Variants in EMC1 observed in about 807,000 individuals in gnomAD.
EMC1 encodes the protein KIAA0090.
EMC1 carries 103 observed loss-of-function variants against 128.8 expected under a neutral mutation model. The observed-to-expected ratio is 0.80, with a 90% CI of 0.68 to 0.94. EMC1 has a LOEUF of 0.94. Among genes scored for constraint, EMC1 ranks in the 40% least tolerant of loss-of-function variants. EMC1 has a pLI of 0.00. For missense variants in EMC1, 1,083 were observed against 1,250.6 expected (o/e 0.87, Z 2.02); for synonymous variants, 442 against 490.4 (o/e 0.90, Z 1.30).
intron 4 of EMC1, 25 bp downstream of exon 4, chr1:19,243,589 A>G (rs1282078426): frequency 6.3e-7 from 1 of 1,595,708 alleles, no homozygotes; most frequent in Admixed American, 1.7e-5. Flanking sequence ...AACTCAGTCA[A>G]GATAAAATCC....
intron 18 of EMC1, among the ~76,000 whole-genome samples, chr1:19,225,527 GTCCCAGCTAC>G (rs1259422500): frequency 6.6e-6 from 1 of 152,062 alleles, no homozygotes; most frequent in African/African-American, 2.4e-5. Context: ...CGCGCTTGTA[GTCCCAGCTAC>G]TCGGGAGGCT....
At chr1:19,234,345 G>A (rs994429938) in intron 13 of EMC1, among the ~76,000 whole-genome samples, 16 of 152,170 alleles carry the variant, frequency 1.1e-4, no homozygotes, top group Admixed American at 2.0e-4. Flanking sequence ...GTGGGGGGCA[G>A]GACTGAATCA....
At chr1:19,225,489 A>G (rs763660453) in intron 18 of EMC1, among the ~76,000 whole-genome samples, 4 of 152,140 alleles carry the variant, frequency 2.6e-5, no homozygotes, top group Non-Finnish European at 5.9e-5. Flanking sequence ...ATCTCTAAAA[A>G]TACAAAATTT....
Position 19,244,243 on chromosome 1 carries a change from A to T in EMC1, c.221-228T>A, listed in dbSNP as rs528601963. Among the ~76,000 whole-genome samples the T allele has an allele frequency of 5.3e-5, 8 of 152,244 alleles. No homozygotes were observed. Among genetic ancestry groups the T allele is most frequent in the Non-Finnish European group, 1.2e-4 (8 of 68,048 alleles). On this transcript the variant is annotated intron_variant, in intron 2 of 22. Transcript: ENST00000477853. ...AGGCCCCACTACCACCCCATCAAAC[A>T]TATAAACAAACAACAATAAGATTAA...
rs751315179 is a variant in EMC1, at chr1:19,233,137, T to C, written c.1433-2A>G. On this transcript the variant is annotated splice_acceptor_variant, in intron 13 of 22. Transcript: ENST00000477853. LOFTEE classifies it high-confidence loss of function. The stretch of plus-strand genomic sequence containing the variant: ...TCAGGAACATCCCCAGCAAGCCATC[T>C]GGTGTAAAGGAAAAGTAACATACTC... The C allele has an allele frequency of 6.2e-7, 1 of 1,613,264 alleles. No individual in the cohort carries two copies. Among genetic ancestry groups the C allele is most frequent in the Non-Finnish European group, 8.5e-7 (1 of 1,179,480 alleles).
chr1:19,241,734 T>C (rs757965283), intron 5 of EMC1, among the ~76,000 whole-genome samples: 1 of 152,030 alleles, frequency 6.6e-6, no homozygotes, highest in Non-Finnish European at 1.5e-5. Flanking sequence ...CTTGAACTCC[T>C]GAGCTCAAGT....
rs1428200462 is a variant in EMC1 at position 19,216,403 on chromosome 1, T to C, written c.*2900A>G. 1 of 152,194 alleles carries C rather than the reference T, an allele frequency of 6.6e-6. No individual in the cohort carries two copies. The highest frequency in any genetic ancestry group is 1.5e-5 in the Non-Finnish European group (1 of 68,030). 9.4% of individuals were successfully genotyped at this position (152,194 alleles called of 1,614,324 possible). On this transcript the variant is annotated 3_prime_UTR_variant, in exon 23 of 23. Coordinates refer to ENST00000477853, the MANE Select transcript of EMC1 (RefSeq NM_015047.3). ...ACTTAAATTAGGAATTGAGTATTTTTTCTATCAGACTTTGTTCCAGAAACT... is the reference window on the plus strand; with the variant it reads ...ACTTAAATTAGGAATTGAGTATTTTCTCTATCAGACTTTGTTCCAGAAACT...
At chr1:19,244,666 C>A in intron 2 of EMC1, 2 of 390,452 alleles carry the variant, frequency 5.1e-6, no homozygotes, top group Admixed American at 4.0e-5. Context: ...GGGCTTGCAG[C>A]AATATCTTAT....
Position 19,243,631 on chromosome 1 carries a change from T to C in EMC1, c.363A>G (p.Ile121Met). The C allele has an allele frequency of 6.2e-7, 1 of 1,614,156 alleles. No individual in the cohort carries two copies. The highest frequency in any genetic ancestry group is 8.5e-7 in the Non-Finnish European group (1 of 1,180,002). ...TCCCCTACCTGCCACTGTCCAGGGT[T>C]ATCTCCCAGTTCAGGCCCCCGATGT... ...ETNIGGLNWE[I>M]TLDSGSFQAL... Residue 121 changes from isoleucine to methionine, a missense_variant, in exon 4 of 23, where the codon ATA becomes ATG. Coordinates refer to ENST00000477853, the MANE Select transcript of EMC1 (RefSeq NM_015047.3).
chr1:19,250,218 C>CA lies in EMC1; in HGVS notation c.95+1196dup, dbSNP rs55743743. On this transcript the variant is annotated intron_variant, in intron 1 of 22. Coordinates refer to ENST00000477853, the MANE Select transcript of EMC1 (RefSeq NM_015047.3). ...CTGGGCAACAAGAGCAAAACTGTCT[C>CA]AAAAAAAAAAAAAAAAAAAAAAAAA... Among the ~76,000 whole-genome samples, 80 of 48,250 alleles carry CA rather than the reference C, an allele frequency of 1.7e-3. 2 individuals carry two copies. Among genetic ancestry groups the CA allele is most frequent in the East Asian group, 5.8e-3 (7 of 1,206 alleles). The allele number at this position is 48,250 out of a possible 152,430, so 31.7% of individuals were successfully genotyped here.
At chr1:19,228,641 T>C (rs1025169386) in intron 17 of EMC1, among the ~76,000 whole-genome samples, 1 of 152,084 alleles carries the variant, frequency 6.6e-6, no homozygotes, top group Non-Finnish European at 1.5e-5. Flanking sequence ...CTTTTGTCAA[T>C]ATTTTTCTGT....
intron 4 of EMC1, among the ~76,000 whole-genome samples, chr1:19,242,939 AT>A (rs2093614776): frequency 6.6e-6 from 1 of 152,212 alleles, no homozygotes. Flanking sequence ...TGACCCTATC[AT>A]TTGAACAACT....
chr1:19,240,181 T>G (rs759473782), intron 7 of EMC1, 116 bp downstream of exon 7: 2 of 1,358,382 alleles, frequency 1.5e-6, no homozygotes, highest in Non-Finnish European at 2.0e-6. Flanking sequence ...GAGGCCTGAA[T>G]GGCTTCCACT....
intron 18 of EMC1, among the ~76,000 whole-genome samples, chr1:19,224,580 T>A (rs1027928638): frequency 1.3e-5 from 2 of 152,060 alleles, no homozygotes; most frequent in African/African-American, 4.8e-5. Context: ...CCTTCCCACC[T>A]CCATGCTACC....
At chr1:19,247,456 G>A (rs1462186440) in intron 1 of EMC1, among the ~76,000 whole-genome samples, 1 of 152,190 alleles carries the variant, frequency 6.6e-6, no homozygotes, top group African/African-American at 2.4e-5. Flanking sequence ...GTATAATGGA[G>A]CTGAAAAATT....
At chr1:19,240,047 G>A in intron 7 of EMC1, 62 bp from the exon 8 acceptor site, 4 of 1,504,804 alleles carry the variant, frequency 2.7e-6, no homozygotes, top group Non-Finnish European at 3.6e-6. Flanking sequence ...CCCATCCCAG[G>A]CTCACAACCT....
intron 11 of EMC1, 120 bp downstream of exon 11, chr1:19,237,897 A>C: frequency 7.8e-7 from 1 of 1,287,694 alleles, no homozygotes; most frequent in South Asian, 1.5e-5. Context: ...CTCAGAGAGC[A>C]CTAGAACACA....
intron 1 of EMC1, among the ~76,000 whole-genome samples, chr1:19,249,589 A>T (rs544538882): frequency 6.6e-6 from 1 of 152,320 alleles, no homozygotes; most frequent in East Asian, 1.9e-4. Flanking sequence ...TATTCCCATC[A>T]TTAAGTGATG....
At position 19,235,404 on chromosome 1, in the gene EMC1, CA is replaced by C. The variant is rs1173707962; in HGVS notation, c.1310-153del. The C allele has an allele frequency of 3.8e-5, 29 of 761,080 alleles. No individual in the cohort carries two copies. In the East Asian group the frequency reaches 8.2e-4, roughly 22 times the overall value. 47.1% of individuals were successfully genotyped at this position (761,080 alleles called of 1,614,324 possible). ...ACAACAGGGCAAAACCTTATCTCAACAAAAAATAAATATCAGGGCTGGGCAC... is the reference window on the plus strand; with the variant it reads ...ACAACAGGGCAAAACCTTATCTCAACAAAAATAAATATCAGGGCTGGGCAC... On this transcript the variant is annotated intron_variant, in intron 12 of 22. Transcript: ENST00000477853.
Sources: allele counts gnomAD v4.1 joint callset (sites outside exome capture counted in the v4.1 genomes callset), GRCh38; gene constraint gnomAD v4.1.1; transcripts MANE v1.5; gene names NCBI Gene and HGNC (gene_info 2026-07-23, HGNC 2026-07-21).